The following CORO1B variants were observed in gnomAD, a reference collection of about 807,000 sequenced individuals.
The protein encoded by CORO1B is coronin 1B, also known as coronin-1B.
A neutral mutation model predicts 51.1 loss-of-function variants in CORO1B; 30 were observed. The ratio of observed to expected loss-of-function variants is 0.59; its 90% CI spans 0.44 to 0.80. The LOEUF is 0.80. CORO1B is among the 30% of genes least tolerant of loss of function. The pLI is 0.00. For synonymous variants in CORO1B, 310 were observed against 289.7 expected (o/e 1.07, Z -0.71); for missense variants, 648 against 700.4 (o/e 0.93, Z 0.84).
chr11:67,438,947 C>G lies in CORO1B; in HGVS notation c.1068G>C (p.Ser356=). 1.9e-6 allele frequency: 3 copies of G among 1,599,064 alleles called. No homozygotes were observed. Among genetic ancestry groups the G allele is most frequent in the Non-Finnish European group, 2.6e-6 (3 of 1,171,240 alleles). ...GGTACAGATCATCCTGGAAGAGGTC[C>G]GACTGGGCAGGGGGCCGGGGAGGTC... ...EPIVMTVPRK[S]DLFQDDLYPD... Residue 356 remains serine, a splice_region_variant and synonymous_variant, in exon 10 of 11, where the codon TCG becomes TCC. Coordinates refer to ENST00000341356, the MANE Select transcript of CORO1B (RefSeq NM_020441.3).
chr11:67,443,221 T>C (rs1864431469), intron 1 of CORO1B, among the ~76,000 whole-genome samples, 183 bp downstream of exon 1: 1 of 152,066 alleles, frequency 6.6e-6, no homozygotes, highest in African/African-American at 2.4e-5. Flanking sequence ...GGAGCCCAAC[T>C]TCCAGGGACC....
rs999885051 is a variant in CORO1B at position 67,438,312 on chromosome 11, C to G, written c.*64G>C. 1.9e-6 allele frequency: 3 copies of G among 1,545,258 alleles called. No individual in the cohort carries two copies. The highest frequency in any genetic ancestry group is 1.4e-5 in the African/African-American group (1 of 74,020). On this transcript the variant is annotated 3_prime_UTR_variant, in exon 11 of 11. Coordinates refer to ENST00000341356, the MANE Select transcript of CORO1B (RefSeq NM_020441.3). ...GGCAGCCAGCTAGCCCGGTGCGACC[C>G]GCTGGCAGAAGCTGAGTGGGAAGGG...
In CORO1B at chr11:67,436,012, G is replaced by A; in HGVS notation, c.*2364C>T. 2 of 1,613,764 alleles carry A rather than the reference G, an allele frequency of 1.2e-6. No homozygotes were observed. Among genetic ancestry groups the A allele is most frequent in the Non-Finnish European group, 1.7e-6 (2 of 1,179,892 alleles). On this transcript the variant is annotated 3_prime_UTR_variant, in exon 11 of 11. Transcript: ENST00000341356. ...GGCCACCATCCGCGACGTGGTCATAGTCTGTGTCCTGCTCATCCTCCTGTC... is the reference window on the plus strand; with the variant it reads ...GGCCACCATCCGCGACGTGGTCATAATCTGTGTCCTGCTCATCCTCCTGTC...
chr11:67,441,468 C>T lies in CORO1B; in HGVS notation c.501G>A (p.Glu167=). Residue 167 remains glutamate, a synonymous_variant, in exon 5 of 11, where the codon GAG becomes GAA. Transcript: ENST00000341356. ...GGTGCAGGCTGTCCAGGCGGTACAG[C>T]TCCTCCGCTGTGCCCACATTCCAGA... ...VLIWNVGTAE[E]LYRLDSLHPD... 1 of 1,613,818 alleles carries T rather than the reference C, an allele frequency of 6.2e-7. No individual in the cohort carries two copies. The highest frequency in any genetic ancestry group is 8.5e-7 in the Non-Finnish European group (1 of 1,180,004).
At chr11:67,439,665 C>T (rs1864357850) in intron 9 of CORO1B, 121 bp downstream of exon 9, 8 of 1,087,758 alleles carry the variant, frequency 7.4e-6, no homozygotes, top group Non-Finnish European at 1.1e-5. Flanking sequence ...GGCATCTGTC[C>T]AGCTCACTGC....
In CORO1B at chr11:67,442,691, G is replaced by T; in HGVS notation, c.-2-61C>A. On this transcript the variant is annotated intron_variant, in intron 1 of 10. Coordinates refer to ENST00000341356, the MANE Select transcript of CORO1B (RefSeq NM_020441.3). ...TCCCAACAACTCCAGCCCTCCCCAG[G>T]CTGCTGAAGGTGAGCCGGGAGGATG... The T allele has an allele frequency of 1.9e-6, 3 of 1,551,452 alleles. No homozygotes were observed. The South Asian group carries it at 3.4e-5, about 18-fold the overall frequency.
chr11:67,441,008 G>A (rs760249130), intron 6 of CORO1B, 117 bp downstream of exon 6: 8 of 1,489,760 alleles, frequency 5.4e-6, no homozygotes, highest in African/African-American at 4.1e-5. Context: ...GGCCCTGAGA[G>A]CCTCAAGTTC....
intron 8 of CORO1B, 89 bp downstream of exon 8, chr11:67,440,029 C>G: frequency 6.6e-7 from 1 of 1,525,778 alleles, no homozygotes; most frequent in Non-Finnish European, 8.8e-7. Flanking sequence ...CTCCCTGGCG[C>G]AAGGTTTCCT....
intron 2 of CORO1B, 119 bp downstream of exon 2, chr11:67,442,309 G>A (rs746827607): frequency 7.9e-7 from 1 of 1,271,712 alleles, no homozygotes; most frequent in Non-Finnish European, 1.1e-6. Context: ...GATAAATCTG[G>A]GTTATAACAC....
rs138355876 is a variant in CORO1B at position 67,442,692 on chromosome 11, C to A, written c.-2-62G>T. On this transcript the variant is annotated intron_variant, in intron 1 of 10. Transcript: ENST00000341356. ...CCCAACAACTCCAGCCCTCCCCAGG[C>A]TGCTGAAGGTGAGCCGGGAGGATGC... is the stretch of plus-strand genomic sequence containing the variant. 22 of 1,553,512 alleles carry A rather than the reference C, an allele frequency of 1.4e-5. No individual in the cohort carries two copies. The Admixed American group carries it at 3.8e-4, about 27-fold the overall frequency.
In CORO1B at chr11:67,438,721, TGGAGGCGGGGGCCCCTAGGTGGGA is replaced by T. The variant is rs1277331496; in HGVS notation, c.1270_1293del (p.Ser424_Ser431del). The T allele has an allele frequency of 2.6e-6, 4 of 1,558,268 alleles. No homozygotes were observed. The South Asian group carries it at 4.7e-5, about 18-fold the overall frequency. On this transcript the variant is annotated inframe_deletion, in exon 10 of 11. Coordinates refer to ENST00000341356, the MANE Select transcript of CORO1B (RefSeq NM_020441.3). ...GGGGTGGCATCAGCAGCAGTGGTGG[TGGAGGCGGGGGCCCCTAGGTGGGA>T]GGAGCCCGGGGCCATGGCGGGCCGG...
chr11:67,439,587 C>T (rs775726856), intron 9 of CORO1B, among the ~76,000 whole-genome samples, 199 bp downstream of exon 9: 1 of 152,218 alleles, frequency 6.6e-6, no homozygotes, highest in African/African-American at 2.4e-5. Flanking sequence ...CCCTGCTCAC[C>T]CTCTGTCTCA....
Position 67,438,784 on chromosome 11 carries a change from C to T in CORO1B, c.1231G>A (p.Val411Met), listed in dbSNP as rs756117196. The T allele has an allele frequency of 1.8e-5, 28 of 1,596,400 alleles. No individual in the cohort carries two copies. The highest frequency in any genetic ancestry group is 6.9e-5 in the Admixed American group (4 of 58,202). ...ATGGCGGGCCGGCTGTCAGACAACA[C>T]GTTGCGCCGGCTGATCTTCAGGTCC... ...QRDLKISRRN[V>M]LSDSRPAMAP... The change falls in exon 10 of 11, where the codon GTG (valine) becomes ATG (methionine). Residue 411 changes from valine to methionine, a missense_variant. By Grantham distance (21) the Val-to-Met change is conservative (BLOSUM62 1). Transcript: ENST00000341356.
chr11:67,438,289 C>A lies in CORO1B; in HGVS notation c.*87G>T. Reference sequence around the variant, plus strand: ...CCTGCGCTGCCTCAGAGGCTCTGGGCAGCCAGCTAGCCCGGTGCGACCCGC... The same window carrying A: ...CCTGCGCTGCCTCAGAGGCTCTGGGAAGCCAGCTAGCCCGGTGCGACCCGC... On this transcript the variant is annotated 3_prime_UTR_variant, in exon 11 of 11. Coordinates refer to ENST00000341356, the MANE Select transcript of CORO1B (RefSeq NM_020441.3). 2 of 1,516,774 alleles carry A rather than the reference C, an allele frequency of 1.3e-6. No homozygotes were observed. The highest frequency in any genetic ancestry group is 2.5e-5 in the South Asian group (2 of 80,682). 94.0% of individuals were successfully genotyped at this position (1,516,774 alleles called of 1,614,324 possible).
In CORO1B at chr11:67,438,967, G is replaced by A; in HGVS notation, c.1066-18C>T. The A allele has an allele frequency of 6.3e-7, 1 of 1,590,392 alleles. No individual in the cohort carries two copies. The highest frequency in any genetic ancestry group is 8.6e-7 in the Non-Finnish European group (1 of 1,167,152). On this transcript the variant is annotated intron_variant, in intron 9 of 10. Transcript: ENST00000341356. ...AGGTCCGACTGGGCAGGGGGCCGGG[G>A]AGGTCAGGATCAGTTAGGAGGCCCC... is the stretch of plus-strand genomic sequence containing the variant.
chr11:67,436,168 CCCT>C lies in CORO1B; in HGVS notation c.*2205_*2207del. The C allele has an allele frequency of 6.4e-7, 1 of 1,562,768 alleles. No individual in the cohort carries two copies. The highest frequency in any genetic ancestry group is 8.7e-7 in the Non-Finnish European group (1 of 1,154,336). ...CTAGGCGGGCCGGGTGGTAGTAGCC[CCCT>C]GAGTCACGGCTGAGGCGGCGCCAGG... On this transcript the variant is annotated 3_prime_UTR_variant, in exon 11 of 11. Transcript: ENST00000341356.
chr11:67,442,208 C>A (rs1037973314), intron 2 of CORO1B, 120 bp from the exon 3 acceptor site: 2 of 1,504,382 alleles, frequency 1.3e-6, no homozygotes, highest in Admixed American at 1.8e-5. Flanking sequence ...GTGACTGTGC[C>A]CCACTTGCCA....
At position 67,435,515 on chromosome 11, in the gene CORO1B, G is replaced by T; in HGVS notation, c.*2861C>A. On this transcript the variant is annotated 3_prime_UTR_variant, in exon 11 of 11. Transcript: ENST00000341356. ...TCTCTGTAGGACCACAGGGCCACAG[G>T]CTGAAGGAGTTTTATTTCAAATGGT... 1.4e-6 allele frequency: 1 copy of T among 710,200 alleles called. No individual in the cohort carries two copies. The highest frequency in any genetic ancestry group is 2.2e-6 in the Non-Finnish European group (1 of 451,406). 44.0% of individuals were successfully genotyped at this position (710,200 alleles called of 1,614,324 possible).
chr11:67,439,644 A>T, intron 9 of CORO1B, 142 bp downstream of exon 9: 4 of 917,944 alleles, frequency 4.4e-6, no homozygotes, highest in Non-Finnish European at 6.8e-6. Flanking sequence ...TGGCTGGTAC[A>T]AGGGCAAGCT....
Sources: allele counts gnomAD v4.1 joint callset (sites outside exome capture counted in the v4.1 genomes callset), GRCh38; gene constraint gnomAD v4.1.1; transcripts MANE v1.5; gene names NCBI Gene and HGNC (gene_info 2026-07-23, HGNC 2026-07-21).